ESR2: variants seen among roughly 807,000 people sequenced by gnomAD.
ESR2 encodes the protein estrogen receptor 2.
ESR2 carries 36 observed loss-of-function variants against 49.6 expected under a neutral mutation model. That is an observed-to-expected ratio of 0.73 (90% CI 0.56 to 0.96). The LOEUF (loss-of-function observed/expected upper bound fraction) is 0.96. Among genes scored for constraint, ESR2 ranks in the 40% least tolerant of loss-of-function variants. The probability of loss-of-function intolerance (pLI) is 0.00; values close to 1 mark genes in which losing one functional copy is unlikely to be tolerated. For synonymous variants in ESR2, 320 were observed against 266.1 expected (o/e 1.20, Z -1.97); for missense variants, 714 against 693.0 (o/e 1.03, Z -0.34).
intron 3 of ESR2, among the ~76,000 whole-genome samples, chr14:64,272,176 C>T (rs916246454): frequency 6.6e-5 from 10 of 152,202 alleles, no homozygotes; most frequent in Non-Finnish European, 1.5e-5. Flanking sequence ...TTTTCATATA[C>T]CCATTTGCCA....
chr14:64,234,827 G>T, intron 8 of ESR2, 143 bp downstream of exon 8: 1 of 1,456,614 alleles, frequency 6.9e-7, no homozygotes, highest in Non-Finnish European at 9.1e-7. Flanking sequence ...TTGCTTACAG[G>T]TGTGTGAACT....
Position 64,257,215 on chromosome 14 carries a change from T to C in ESR2, c.1091+11A>G, listed in dbSNP as rs2076118966. On this transcript the variant is annotated intron_variant, in intron 6 of 8. Transcript: ENST00000341099. ...CAAGTCAGAGAAGAAACACAATGTA[T>C]TTTTTCTCACCTGTCCAGAACAAGA... 7 of 1,613,622 alleles carry C rather than the reference T, an allele frequency of 4.3e-6. No homozygotes were observed. The highest frequency in any genetic ancestry group is 1.3e-5 in the African/African-American group (1 of 74,866).
chr14:64,241,676 T>A (rs898253494), intron 7 of ESR2, among the ~76,000 whole-genome samples: 1 of 152,262 alleles, frequency 6.6e-6, no homozygotes, highest in Non-Finnish European at 1.5e-5. Context: ...CAATGTTTGA[T>A]GCTATTGTAA....
chr14:64,302,144 C>CTTTTA (rs1555593234), intron 1 of ESR2, among the ~76,000 whole-genome samples: 225 of 149,158 alleles, frequency 1.5e-3, no homozygotes, highest in Middle Eastern at 6.8e-3. Flanking sequence ...ACCTGGGTCA[C>CTTTTA]TTTTTTATTT....
rs148452221 is a variant in ESR2 at position 64,307,472 on chromosome 14, C to T, written c.-90-24397G>A. 5.6e-3 allele frequency among the ~76,000 whole-genome samples: 845 copies of T among 151,910 alleles called. 8 individuals carry two copies. Among genetic ancestry groups the T allele is most frequent in the African/African-American group, 0.019 (799 of 41,408 alleles). ...TCGTGATCCGCCCACCTCAGCCTTCCAAAGTGCTGGAATTACAGGCATGAG... is the reference window on the plus strand; with the variant it reads ...TCGTGATCCGCCCACCTCAGCCTTCTAAAGTGCTGGAATTACAGGCATGAG... On this transcript the variant is annotated intron_variant, in intron 1 of 8. Transcript: ENST00000358599.
In ESR2 at chr14:64,233,152, G is replaced by T. The variant is rs1488456467; in HGVS notation, c.1578C>A (p.Asn526Lys). Residue 526 changes from asparagine to lysine, a missense_variant, in exon 9 of 9, where the codon AAC becomes AAA. Transcript: ENST00000341099. ...EDSKSKEGSQNPQSQ is the reference protein window; with the variant it reads ...EDSKSKEGSQKPQSQ ...GGGCCAGGCGTCACTGAGACTGTGG[G>T]TTCTGGGAGCCCTCTTTGCTTTTAC... 1 of 1,613,748 alleles carries T rather than the reference G, an allele frequency of 6.2e-7. No individual in the cohort carries two copies. Among genetic ancestry groups the T allele is most frequent in the South Asian group, 1.1e-5 (1 of 91,076 alleles).
At position 64,282,910 on chromosome 14, in the gene ESR2, C is replaced by G; in HGVS notation, c.76G>C (p.Glu26Gln). The G allele has an allele frequency of 6.2e-7, 1 of 1,614,054 alleles. No homozygotes were observed. Among genetic ancestry groups the G allele is most frequent in the Non-Finnish European group, 8.5e-7 (1 of 1,179,968 alleles). The change falls in exon 2 of 9, where the codon GAG (glutamate) becomes CAG (glutamine). Residue 26 changes from glutamate (E) to glutamine (Q), a missense_variant. By Grantham distance (29) the Glu-to-Gln change is conservative. Transcript: ENST00000341099. ...YNCSQSILPLEHGSIYIPSSY... is the reference protein window; with the variant it reads ...YNCSQSILPLQHGSIYIPSSY... ...GAAGGTATGTATATGGAGCCGTGCTCCAGGGGTAAGATGGATTGACTGCAG... is the reference window on the plus strand; with the variant it reads ...GAAGGTATGTATATGGAGCCGTGCTGCAGGGGTAAGATGGATTGACTGCAG...
intron 1 of ESR2, chr14:64,336,349 ACT>A (rs1208711952): frequency 2.0e-5 from 3 of 152,268 alleles, no homozygotes; most frequent in East Asian, 1.9e-4. Flanking sequence ...AGGAGTAAAC[ACT>A]GTTTCCTTAC....
intron 3 of ESR2, among the ~76,000 whole-genome samples, chr14:64,279,292 A>T (rs1166849893): frequency 2.6e-5 from 4 of 152,198 alleles, no homozygotes; most frequent in Admixed American, 1.3e-4. Context: ...AGATCTCCTG[A>T]GGGCTATGTC....
chr14:64,235,937 C>T (rs1464327028), intron 7 of ESR2, among the ~76,000 whole-genome samples: 4 of 152,174 alleles, frequency 2.6e-5, no homozygotes, highest in African/African-American at 4.8e-5. Context: ...CTCCTCCCCC[C>T]GACCCCTGCC....
chr14:64,267,648 A>C (rs1162343610), intron 4 of ESR2, among the ~76,000 whole-genome samples: 1 of 151,906 alleles, frequency 6.6e-6, no homozygotes, highest in Non-Finnish European at 1.5e-5. Flanking sequence ...AGGCCAAGGC[A>C]GGCAGATCAC....
At chr14:64,278,545 G>T (rs10136955) in intron 3 of ESR2, among the ~76,000 whole-genome samples, 10,286 of 152,174 alleles carry the variant, frequency 0.068, 878 homozygotes, top group African/African-American at 0.19. Flanking sequence ...TTCTTAACTG[G>T]CAAAGAACAA....
chr14:64,318,436 C>T (rs1054422216), intron 1 of ESR2, among the ~76,000 whole-genome samples: 4 of 140,084 alleles, frequency 2.9e-5, no homozygotes, highest in African/African-American at 1.1e-4. Flanking sequence ...ACTTGGGAGG[C>T]TTAGGCAGGA....
chr14:64,237,519 G>A (rs958797275), intron 7 of ESR2, among the ~76,000 whole-genome samples: 1 of 152,146 alleles, frequency 6.6e-6, no homozygotes, highest in Non-Finnish European at 1.5e-5. Context: ...TCCAAAAGGA[G>A]CCAAAATTGT....
chr14:64,254,739 C>T (rs1316048340), intron 6 of ESR2, among the ~76,000 whole-genome samples: 1 of 150,588 alleles, frequency 6.6e-6, no homozygotes, highest in Non-Finnish European at 1.5e-5. Flanking sequence ...GCCTGGGTGA[C>T]AGAGCGAGAC....
intron 1 of ESR2, among the ~76,000 whole-genome samples, chr14:64,289,938 T>A (rs1177149521): frequency 6.6e-6 from 1 of 152,118 alleles, no homozygotes. Flanking sequence ...TGCTCCACAT[T>A]TGTGTGTCCT....
rs1271551104 is a variant in ESR2 at position 64,260,630 on chromosome 14, C to T, written c.771G>A (p.Glu257=). ...RSGGHAPRVR[E]LLLDALSPEQ... ...CGGGGCTCAGGGCGTCCAGCAGCAG[C>T]TCCCGCACTCGGGGCGCGTGGCCGC... The change falls in exon 5 of 9, where the codon GAG becomes GAA. Residue 257 remains glutamate, a synonymous_variant. Coordinates refer to ENST00000341099, the MANE Select transcript of ESR2 (RefSeq NM_001437.3). 2 of 1,610,430 alleles carry T rather than the reference C, an allele frequency of 1.2e-6. No homozygotes were observed. Among genetic ancestry groups the T allele is most frequent in the East Asian group, 4.5e-5 (2 of 44,746 alleles).
At position 64,232,309 on chromosome 14, in the gene ESR2, G is replaced by A. The variant is rs2098728006; in HGVS notation, c.*828C>T. 6.6e-6 allele frequency: 1 copy of A among 152,318 alleles called. No individual in the cohort carries two copies. The highest frequency in any genetic ancestry group is 2.1e-4 in the South Asian group (1 of 4,830). 9.4% of individuals were successfully genotyped at this position (152,318 alleles called of 1,614,324 possible). ...CTGTGGCTGTCACCCACACCCACAG[G>A]AGAGAACCCCATTCCTGCAAACACG... is the stretch of plus-strand genomic sequence containing the variant. On this transcript the variant is annotated 3_prime_UTR_variant, in exon 9 of 9. Transcript: ENST00000341099.
At chr14:64,285,814 G>A (rs1324113977) in intron 1 of ESR2, among the ~76,000 whole-genome samples, 8 of 130,024 alleles carry the variant, frequency 6.2e-5, no homozygotes, top group African/African-American at 2.5e-4. Context: ...GTGACAGAGT[G>A]AGACTCTGTC....
Sources: gnomAD v4.1 joint callset for allele counts (sites outside exome capture counted in the v4.1 genomes callset) on GRCh38, gnomAD v4.1.1 for gene constraint, MANE v1.5 for transcripts, NCBI Gene and HGNC (gene_info 2026-07-23, HGNC 2026-07-21) for gene names.